Variants in DSP observed in about 807,000 individuals in gnomAD.
DSP encodes desmoplakin.
A neutral mutation model predicts 290.6 loss-of-function variants in DSP; 114 were observed. The ratio of observed to expected loss-of-function variants is 0.39; its 90% CI spans 0.34 to 0.46. DSP has a LOEUF of 0.46. Among genes scored for constraint, DSP ranks in the 20% least tolerant of loss-of-function variants. The pLI, the probability that DSP is intolerant of heterozygous loss-of-function variation, is 0.99. For missense variants in DSP, 3,230 were observed against 3,495.8 expected, an observed-to-expected ratio of 0.92 and a Z score of 1.92; for synonymous variants, 1,311 against 1,316.4, an observed-to-expected ratio of 1.00 and a Z score of 0.09.
chr6:7,584,960 T>C lies in DSP; in HGVS notation c.7698T>C (p.Gly2566=), dbSNP rs1759588620. ...CTGACATGATCTCCTTGAAAAATGG[T>C]GTCGGCACCAGCAGCAGCATGGGCA... ...QFADMISLKN[G]VGTSSSMGSG... Residue 2566 remains glycine, a synonymous_variant, in exon 24 of 24, where the codon GGT becomes GGC. Coordinates refer to ENST00000379802, the MANE Select transcript of DSP (RefSeq NM_004415.4). The surrounding 1 kb of genome is among the most constrained non-coding windows in gnomAD (Gnocchi z 6.4). 6.2e-7 allele frequency: 1 copy of C among 1,614,184 alleles called. No homozygotes were observed. The highest frequency in any genetic ancestry group is 8.5e-7 in the Non-Finnish European group (1 of 1,180,034).
chr6:7,574,867 C>T, intron 17 of DSP, 72 bp downstream of exon 17: 1 of 1,604,512 alleles, frequency 6.2e-7, no homozygotes, highest in Admixed American at 1.7e-5. Flanking sequence ...AATTATAAAG[C>T]CTCACTGGGT....
At chr6:7,563,613 A>C (rs2113666666) in intron 5 of DSP, 123 bp from the exon 6 acceptor site, 5 of 818,384 alleles carry the variant, frequency 6.1e-6, no homozygotes, top group Non-Finnish European at 8.4e-6. Flanking sequence ...AGAGCTAGTA[A>C]TTCTTTCTTT....
At chr6:7,562,850 A>G (rs1365095517) in intron 5 of DSP, 70 bp downstream of exon 5, 16 of 1,601,866 alleles carry the variant, frequency 1.0e-5, no homozygotes, top group Non-Finnish European at 1.2e-5. Flanking sequence ...ACTCAATCCC[A>G]GGGAGTTTCT....
At chr6:7,578,211 CT>C (rs1355330475) in intron 21 of DSP, among the ~76,000 whole-genome samples, 2 of 152,200 alleles carry the variant, frequency 1.3e-5, no homozygotes, top group Non-Finnish European at 2.9e-5. Flanking sequence ...AAGACAGCCT[CT>C]TCTCAAAGAT....
At chr6:7,567,951 G>T in intron 10 of DSP, 45 bp downstream of exon 10, 1 of 1,608,680 alleles carries the variant, frequency 6.2e-7, no homozygotes. Flanking sequence ...CCTGATCAGG[G>T]AGATAAAACA....
intron 3 of DSP, among the ~76,000 whole-genome samples, 176 bp from the exon 4 acceptor site, chr6:7,559,050 T>A (rs558685106): frequency 6.6e-6 from 1 of 152,218 alleles, no homozygotes; most frequent in East Asian, 1.9e-4. Flanking sequence ...AAGATTTAAT[T>A]TTTTGTATGT....
chr6:7,567,875 A>G lies in DSP; in HGVS notation c.1235A>G (p.Gln412Arg), dbSNP rs1183147646. Residue 412 changes from glutamine (Q) to arginine (R), a missense_variant, in exon 10 of 24, where the codon CAG becomes CGG. By Grantham distance (43) the Gln-to-Arg change is conservative. Transcript: ENST00000379802. ...CCCTGCGACAAGAACATGCCCCTGC[A>G]GCACCTGCTGGAACAGATCAAGGAG... ...KYPCDKNMPLQHLLEQIKELE... is the reference protein window; with the variant it reads ...KYPCDKNMPLRHLLEQIKELE... 2 of 1,613,910 alleles carry G rather than the reference A, an allele frequency of 1.2e-6. No homozygotes were observed. The highest frequency in any genetic ancestry group is 2.7e-5 in the African/African-American group (2 of 74,920).
Position 7,584,119 on chromosome 6 carries a change from G to A in DSP, c.6857G>A (p.Gly2286Asp). 6.2e-7 allele frequency: 1 copy of A among 1,614,110 alleles called. No homozygotes were observed. Among genetic ancestry groups the A allele is most frequent in the Non-Finnish European group, 8.5e-7 (1 of 1,180,024 alleles). Residue 2286 changes from glycine to aspartate, a missense_variant, in exon 24 of 24, where the codon GGT becomes GAT. Transcript: ENST00000379802. The surrounding 1 kb of genome is among the most constrained non-coding windows in gnomAD (Gnocchi z 6.4). ...EAMKIGLVRP[G>D]TALELLEAQA... is the part of the protein sequence containing the mutation. The stretch of plus-strand genomic sequence containing the variant: ...ATGAAAATTGGCTTAGTCCGACCTG[G>A]TACTGCTCTGGAGTTGCTGGAAGCC...
At chr6:7,554,924 G>A (rs764385172) in intron 1 of DSP, among the ~76,000 whole-genome samples, 1 of 152,098 alleles carries the variant, frequency 6.6e-6, no homozygotes, top group Non-Finnish European at 1.5e-5. Context: ...CAAAGCACTG[G>A]GATTACAGGT....
In DSP at chr6:7,580,722, A is replaced by G. The variant is rs1759405658; in HGVS notation, c.4532A>G (p.Gln1511Arg). 3 of 1,614,076 alleles carry G rather than the reference A, an allele frequency of 1.9e-6. No individual in the cohort carries two copies. Among genetic ancestry groups the G allele is most frequent in the Non-Finnish European group, 2.5e-6 (3 of 1,179,972 alleles). Residue 1511 changes from glutamine (Q) to arginine (R), a missense_variant, in exon 23 of 24, where the codon CAG becomes CGG. Physicochemically the swap from Gln to Arg is conservative, Grantham distance 43. Around this residue, in one of 5 missense-constraint regions of DSP, gnomAD observed 1,714 missense variants for 1,844.5 expected, o/e 0.93. Transcript: ENST00000379802. The surrounding 1 kb of genome is among the most constrained non-coding windows in gnomAD (Gnocchi z 4.2). ...EDENARLQRVQYDLQKANSSA... is the reference protein window; with the variant it reads ...EDENARLQRVRYDLQKANSSA... The stretch of plus-strand genomic sequence containing the variant: ...GAAAACGCGAGATTACAAAGGGTCC[A>G]GTATGACCTGCAGAAAGCAAACAGT...
rs554203137 is a variant in DSP at position 7,558,047 on chromosome 6, C to G, written c.274-69C>G. The G allele has an allele frequency of 9.5e-6, 15 of 1,582,556 alleles. No individual in the cohort carries two copies. In the East Asian group the frequency reaches 3.1e-4, roughly 33 times the overall value. ...ATGTTTACAGTGGAAGCTCTTGCTT[C>G]CATTAATGCCCATGAAGGTTTTCTT... On this transcript the variant is annotated intron_variant, in intron 2 of 23. Coordinates refer to ENST00000379802, the MANE Select transcript of DSP (RefSeq NM_004415.4).
chr6:7,549,599 G>A (rs554334069), intron 1 of DSP, among the ~76,000 whole-genome samples: 5 of 152,118 alleles, frequency 3.3e-5, no homozygotes, highest in South Asian at 2.1e-4. Context: ...TAGGCCTCAC[G>A]GTCAATATTA....
intron 15 of DSP, among the ~76,000 whole-genome samples, chr6:7,573,660 C>T (rs1488910772): frequency 6.6e-6 from 1 of 151,738 alleles, no homozygotes; most frequent in African/African-American, 2.4e-5. Context: ...AAGTGAAATA[C>T]ACCAGACACA....
rs759288257 is a variant in DSP, at chr6:7,579,613, A to C, written c.3423A>C (p.Gln1141His). 1.5e-5 allele frequency: 25 copies of C among 1,614,010 alleles called. No homozygotes were observed. The highest frequency in any genetic ancestry group is 2.1e-5 in the Non-Finnish European group (25 of 1,180,010). Reference protein sequence around the residue: ...RFDQQKNDYDQLQKARQCEKE... With the variant: ...RFDQQKNDYDHLQKARQCEKE... ...ACCAACAGAAGAATGACTATGACCA[A>C]CTGCAGAAAGCAAGGCAATGTGAAA... The change falls in exon 23 of 24, where the codon CAA (glutamine) becomes CAC (histidine). Residue 1141 changes from glutamine to histidine, a missense_variant. Around this residue, in one of 5 missense-constraint regions of DSP, gnomAD observed 1,714 missense variants for 1,844.5 expected, o/e 0.93. Coordinates refer to ENST00000379802, the MANE Select transcript of DSP (RefSeq NM_004415.4). This position sits in a 1 kb window ranked among gnomAD's most constrained non-coding sequence, Gnocchi z 4.1.
intron 22 of DSP, 144 bp downstream of exon 22, chr6:7,578,706 G>A: frequency 1.5e-6 from 1 of 681,974 alleles, no homozygotes; most frequent in Non-Finnish European, 2.5e-6. Flanking sequence ...CTGCTTGTTT[G>A]TAAGTCTGGG....
chr6:7,572,158 A>G (rs1202482660), intron 15 of DSP, 90 bp downstream of exon 15: 5 of 1,165,618 alleles, frequency 4.3e-6, no homozygotes, highest in Non-Finnish European at 6.2e-6. Flanking sequence ...AAATGTTTGT[A>G]GGCAAAAATA....
intron 23 of DSP, 35 bp downstream of exon 23, chr6:7,581,604 T>G (rs1231838399): frequency 1.9e-6 from 3 of 1,608,620 alleles, no homozygotes; most frequent in South Asian, 2.2e-5. Flanking sequence ...CTTCACTGTT[T>G]CTCAAATTAT....
rs375917565 is a variant in DSP at position 7,580,838 on chromosome 6, A to T, written c.4648A>T (p.Thr1550Ser). The part of the protein sequence containing the change: ...IDYERVSQER[T>S]VKDQDITRFQ... ...CTATGAAAGGGTTTCCCAGGAGAGG[A>T]CTGTGAAGGACCAGGATATCACGCG... Residue 1550 changes from threonine (T) to serine (S), a missense_variant, in exon 23 of 24, where the codon ACT becomes TCT. This residue lies in a region of DSP where 1,714 missense variants were observed against 1,844.5 expected (regional missense o/e 0.93). Coordinates refer to ENST00000379802, the MANE Select transcript of DSP (RefSeq NM_004415.4). The surrounding 1 kb of genome is among the most constrained non-coding windows in gnomAD (Gnocchi z 4.2). 6 of 1,614,038 alleles carry T rather than the reference A, an allele frequency of 3.7e-6. No homozygotes were observed. The African/African-American group carries it at 8.0e-5, about 22-fold the overall frequency.
chr6:7,555,842 C>G, intron 2 of DSP, 22 bp downstream of exon 2: 1 of 1,608,278 alleles, frequency 6.2e-7, no homozygotes. Flanking sequence ...CTGTTCCCAT[C>G]GCTTCTCCCA....
Sources: gnomAD v4.1 joint callset for allele counts (sites outside exome capture counted in the v4.1 genomes callset) on GRCh38, gnomAD v4.1.1 for gene constraint, gnomAD v4.1.1 regional missense constraint, Gnocchi (gnomAD v3.1) non-coding constraint, MANE v1.5 for transcripts, NCBI Gene and HGNC (gene_info 2026-07-23, HGNC 2026-07-21) for gene names.